Variants in CARMIL1 observed in about 807,000 individuals in gnomAD.
CARMIL1 encodes the protein F-actin-uncapping protein LRRC16A.
A neutral mutation model predicts 177.1 loss-of-function variants in CARMIL1; 90 were observed. The ratio of observed to expected loss-of-function variants is 0.51; its 90% confidence interval spans 0.43 to 0.61. The LOEUF (loss-of-function observed/expected upper bound fraction) is 0.61, where lower values mean the gene tolerates loss of function less well. Ranked by LOEUF, CARMIL1 falls within the 20% of genes least tolerant of loss-of-function variation. The probability of loss-of-function intolerance (pLI) is 0.00; values close to 1 mark genes in which losing one functional copy is unlikely to be tolerated. For synonymous variants in CARMIL1, 577 were observed against 606.2 expected (o/e 0.95, Z 0.71); for missense variants, 1,380 against 1,667.0 (o/e 0.83, Z 3.00).
At chr6:25,517,177 G>A (rs1806085105) in intron 21 of CARMIL1, among the ~76,000 whole-genome samples, 170 bp from the exon 22 acceptor site, 2 of 152,140 alleles carry the variant, frequency 1.3e-5, no homozygotes, top group African/African-American at 4.8e-5. Flanking sequence ...AATATTGGGG[G>A]AAATGCTTAT....
At chr6:25,416,045 A>G (rs1340726360) in intron 2 of CARMIL1, among the ~76,000 whole-genome samples, 2 of 152,176 alleles carry the variant, frequency 1.3e-5, no homozygotes, top group African/African-American at 4.8e-5. Context: ...ACGTAGAATC[A>G]TGTAGACAGA....
In CARMIL1 at chr6:25,509,650, C is replaced by T; in HGVS notation, c.1396-6C>T. On this transcript the variant is annotated splice_region_variant and splice_polypyrimidine_tract_variant and intron_variant, in intron 17 of 36. Coordinates refer to ENST00000329474, the MANE Select transcript of CARMIL1 (RefSeq NM_017640.6). This position sits in a 1 kb window ranked among gnomAD's most constrained non-coding sequence, Gnocchi z 4.1. ...TTTACTTTGTGTTTGGTTTGTGTTTCTCTAGCTGAGATCAGGAGGTGCTCA... is the reference window on the plus strand; with the variant it reads ...TTTACTTTGTGTTTGGTTTGTGTTTTTCTAGCTGAGATCAGGAGGTGCTCA... 1 of 1,592,970 alleles carries T rather than the reference C, an allele frequency of 6.3e-7. No homozygotes were observed. The highest frequency in any genetic ancestry group is 8.6e-7 in the Non-Finnish European group (1 of 1,167,176).
chr6:25,341,466 A>G (rs901539721), intron 2 of CARMIL1, among the ~76,000 whole-genome samples: 7 of 152,200 alleles, frequency 4.6e-5, no homozygotes, highest in African/African-American at 1.7e-4. Context: ...GCTCATGCCT[A>G]TAATCCCAGC....
intron 17 of CARMIL1, among the ~76,000 whole-genome samples, chr6:25,502,882 C>A (rs1431165323): frequency 3.9e-5 from 6 of 152,148 alleles, no homozygotes; most frequent in Admixed American, 3.3e-4. Context: ...TATGGTTAGG[C>A]ATTTTCTTCT....
Position 25,560,484 on chromosome 6 carries a change from T to C in CARMIL1, c.2742+3634T>C, listed in dbSNP as rs568846216. 2.9e-4 allele frequency among the ~76,000 whole-genome samples: 44 copies of C among 152,302 alleles called. 4 individuals carry two copies. The South Asian group carries it at 7.7e-3, about 27-fold the overall frequency. The stretch of plus-strand genomic sequence containing the variant: ...TTCTTATTCATGTGCTTAACACTTA[T>C]GTAGTACCTGTGACGTTCAGGCACT... On this transcript the variant is annotated intron_variant, in intron 29 of 36. Coordinates refer to ENST00000329474, the MANE Select transcript of CARMIL1 (RefSeq NM_017640.6).
intron 16 of CARMIL1, among the ~76,000 whole-genome samples, chr6:25,496,206 G>C (rs907177740): frequency 6.6e-6 from 1 of 152,056 alleles, no homozygotes; most frequent in Non-Finnish European, 1.5e-5. Flanking sequence ...GGCTGGGTGC[G>C]GTGGCTCACG....
At chr6:25,294,933 A>G (rs1782272917) in intron 2 of CARMIL1, among the ~76,000 whole-genome samples, 1 of 152,200 alleles carries the variant, frequency 6.6e-6, no homozygotes, top group African/African-American at 2.4e-5. Context: ...TGAAGAGGGT[A>G]TGGAGCCTGT....
chr6:25,492,208 T>C (rs569615065), intron 15 of CARMIL1, among the ~76,000 whole-genome samples, 184 bp downstream of exon 15: 1 of 152,370 alleles, frequency 6.6e-6, no homozygotes, highest in Admixed American at 6.5e-5. Context: ...AAGTGTAGGT[T>C]AATGTTCTTA....
chr6:25,516,201 C>T (rs1321780297), intron 21 of CARMIL1, among the ~76,000 whole-genome samples: 2 of 152,184 alleles, frequency 1.3e-5, no homozygotes, highest in African/African-American at 4.8e-5. Flanking sequence ...AGAGCCCATA[C>T]TTCTCTGTGA....
intron 11 of CARMIL1, among the ~76,000 whole-genome samples, chr6:25,480,947 C>T (rs1284032186): frequency 6.6e-6 from 1 of 151,884 alleles, no homozygotes; most frequent in African/African-American, 2.4e-5. Context: ...GTCTCGATCT[C>T]CTGACCTTGT....
chr6:25,473,162 CT>C (rs1301777782), intron 11 of CARMIL1, among the ~76,000 whole-genome samples: 3 of 152,156 alleles, frequency 2.0e-5, no homozygotes, highest in African/African-American at 7.2e-5. Flanking sequence ...CTCTCTGATG[CT>C]TTAGTTTCTT....
At chr6:25,534,028 C>T (rs1047101909) in intron 24 of CARMIL1, among the ~76,000 whole-genome samples, 6 of 152,000 alleles carry the variant, frequency 3.9e-5, no homozygotes, top group African/African-American at 1.4e-4. Context: ...CCCACTAAAC[C>T]CTGTCCAGTG....
chr6:25,517,208 A>T (rs6921477), intron 21 of CARMIL1, 139 bp from the exon 22 acceptor site: 2 of 603,328 alleles, frequency 3.3e-6, no homozygotes, highest in Non-Finnish European at 5.9e-6. Context: ...TTAGAAATGA[A>T]GATGAACATT....
chr6:25,317,434 C>T (rs1784360790), intron 2 of CARMIL1, among the ~76,000 whole-genome samples: 1 of 151,822 alleles, frequency 6.6e-6, no homozygotes, highest in African/African-American at 2.4e-5. Context: ...GCCACTGCAC[C>T]ACCCTAAATG....
chr6:25,592,136 C>T (rs553795204), intron 31 of CARMIL1, among the ~76,000 whole-genome samples: 6 of 151,940 alleles, frequency 3.9e-5, no homozygotes, highest in East Asian at 1.9e-4. Flanking sequence ...GTCCTGGGGT[C>T]GCATCTTTCT....
At position 25,471,191 on chromosome 6, in the gene CARMIL1, T is replaced by A; in HGVS notation, c.713T>A (p.Ile238Asn). 1 of 1,612,956 alleles carries A rather than the reference T, an allele frequency of 6.2e-7. No individual in the cohort carries two copies. Among genetic ancestry groups the A allele is most frequent in the South Asian group, 1.1e-5 (1 of 90,932 alleles). ...CAGTCCACTGATGTCTGTGAACAGATCTTGAGGGTGGTGAGTAGGTCCAAT... is the reference window on the plus strand; with the variant it reads ...CAGTCCACTGATGTCTGTGAACAGAACTTGAGGGTGGTGAGTAGGTCCAAT... ...LKLSTDVCEQ[I>N]LRVVSRSNRL... Residue 238 changes from isoleucine to asparagine, a missense_variant, in exon 10 of 37, where the codon ATC becomes AAC. By Grantham distance (149) the Ile-to-Asn change is moderately radical. Coordinates refer to ENST00000329474, the MANE Select transcript of CARMIL1 (RefSeq NM_017640.6).
chr6:25,575,328 C>T (rs752400804), intron 29 of CARMIL1, among the ~76,000 whole-genome samples: 7 of 152,156 alleles, frequency 4.6e-5, no homozygotes, highest in Non-Finnish European at 8.8e-5. Context: ...TTTCCTTCTT[C>T]GTGGGAACAT....
chr6:25,566,563 C>T (rs1444606806), intron 29 of CARMIL1, among the ~76,000 whole-genome samples: 2 of 152,192 alleles, frequency 1.3e-5, no homozygotes, highest in Non-Finnish European at 2.9e-5. Flanking sequence ...TTCCAGTCAC[C>T]TCGCATATTA....
intron 3 of CARMIL1, 177 bp downstream of exon 3, chr6:25,420,341 C>T: frequency 1.6e-6 from 1 of 640,748 alleles, no homozygotes; most frequent in Non-Finnish European, 2.7e-6. Context: ...TTTCTCTTAG[C>T]ACATTCAAGT....
Sources: gnomAD v4.1 joint callset for allele counts (sites outside exome capture counted in the v4.1 genomes callset) on GRCh38, gnomAD v4.1.1 for gene constraint, Gnocchi (gnomAD v3.1) non-coding constraint, MANE v1.5 for transcripts, NCBI Gene and HGNC (gene_info 2026-07-23, HGNC 2026-07-21) for gene names.